HS6ST3: variants seen among roughly 807,000 people sequenced by gnomAD.
The protein encoded by HS6ST3 is heparan-sulfate 6-O-sulfotransferase 3.
A neutral mutation model predicts 36.7 loss-of-function variants in HS6ST3; 12 were observed. The ratio of observed to expected loss-of-function variants is 0.33; its 90% CI spans 0.21 to 0.53. The LOEUF is 0.53. Among genes scored for constraint, HS6ST3 ranks in the 20% least tolerant of loss-of-function variants. The pLI is 0.95. For missense variants in HS6ST3, 584 were observed against 640.9 expected (o/e 0.91, Z 0.96); for synonymous variants, 240 against 257.5 (o/e 0.93, Z 0.65).
In HS6ST3 at chr13:96,145,432, T is replaced by G. The variant is rs989519890; in HGVS notation, c.707+53863T>G. On this transcript the variant is annotated intron_variant, in intron 1 of 1. Coordinates refer to ENST00000376705, the MANE Select transcript of HS6ST3 (RefSeq NM_153456.4). ...ATGATGAGCATTTTTTCATGTGTCTTTTGGCTGCATAAATGTCTTCTTTTG... is the reference window on the plus strand; with the variant it reads ...ATGATGAGCATTTTTTCATGTGTCTGTTGGCTGCATAAATGTCTTCTTTTG... Among the ~76,000 whole-genome samples the G allele has an allele frequency of 7.2e-5, 11 of 152,228 alleles. No individual in the cohort carries two copies. In the East Asian group the frequency reaches 1.2e-3, roughly 16 times the overall value.
At chr13:96,648,550 A>G (rs1260271097) in intron 1 of HS6ST3, among the ~76,000 whole-genome samples, 3 of 151,212 alleles carry the variant, frequency 2.0e-5, no homozygotes, top group Admixed American at 6.6e-5. Context: ...TTTGTTACCT[A>G]GGTAAACGTG....
chr13:96,772,917 C>T (rs571674462), intron 1 of HS6ST3, among the ~76,000 whole-genome samples: 91 of 152,304 alleles, frequency 6.0e-4, no homozygotes, highest in African/African-American at 2.1e-3. Context: ...CAGCTCCCAG[C>T]GAGATCAACA....
chr13:96,494,457 G>T (rs1238835595), intron 1 of HS6ST3, among the ~76,000 whole-genome samples: 2 of 151,468 alleles, frequency 1.3e-5, no homozygotes, highest in Non-Finnish European at 2.9e-5. Flanking sequence ...ACGAGTTAAT[G>T]GGTGCAGCAC....
chr13:96,479,175 T>A (rs1022770010), intron 1 of HS6ST3, among the ~76,000 whole-genome samples: 3 of 152,132 alleles, frequency 2.0e-5, no homozygotes, highest in African/African-American at 4.8e-5. Context: ...CAATTCAGCC[T>A]TAAGAAGTCA....
At chr13:96,588,766 T>C (rs2056371591) in intron 1 of HS6ST3, among the ~76,000 whole-genome samples, 1 of 152,006 alleles carries the variant, frequency 6.6e-6, no homozygotes, top group Non-Finnish European at 1.5e-5. Flanking sequence ...GTGTTTCCTC[T>C]AGGCCAGGCA....
chr13:96,227,648 A>C (rs545377740), intron 1 of HS6ST3, among the ~76,000 whole-genome samples: 1 of 152,328 alleles, frequency 6.6e-6, no homozygotes, highest in South Asian at 2.1e-4. Context: ...TTAATTAGAC[A>C]AGAAGCCTCA....
chr13:96,114,533 G>C (rs2053884836), intron 1 of HS6ST3, among the ~76,000 whole-genome samples: 1 of 152,176 alleles, frequency 6.6e-6, no homozygotes, highest in Admixed American at 6.5e-5. Context: ...CTACTTACCA[G>C]CTGTGTGACT....
intron 1 of HS6ST3, among the ~76,000 whole-genome samples, chr13:96,149,563 G>A (rs1296536946): frequency 6.6e-6 from 1 of 152,092 alleles, no homozygotes; most frequent in African/African-American, 2.4e-5. Flanking sequence ...TCAGAGAAGA[G>A]TAAACCAAAA....
chr13:96,434,211 C>A (rs12863966), intron 1 of HS6ST3, among the ~76,000 whole-genome samples: 30 of 152,118 alleles, frequency 2.0e-4, no homozygotes, highest in Non-Finnish European at 4.1e-4. Context: ...TGGCAGCCCT[C>A]ACAGACTGAT....
intron 1 of HS6ST3, among the ~76,000 whole-genome samples, chr13:96,404,209 A>G (rs1188160886): frequency 2.0e-5 from 3 of 152,166 alleles, no homozygotes; most frequent in Non-Finnish European, 1.5e-5. Flanking sequence ...TTCATTTTAA[A>G]TCACATTTTA....
At chr13:96,753,226 A>G (rs532064243) in intron 1 of HS6ST3, among the ~76,000 whole-genome samples, 1 of 152,294 alleles carries the variant, frequency 6.6e-6, no homozygotes, top group Non-Finnish European at 1.5e-5. Flanking sequence ...TTGCCTTTTT[A>G]TATACATTTT....
intron 1 of HS6ST3, among the ~76,000 whole-genome samples, chr13:96,421,311 A>G (rs2055561073): frequency 6.6e-6 from 1 of 152,196 alleles, no homozygotes; most frequent in African/African-American, 2.4e-5. Flanking sequence ...CCAATTCATT[A>G]ATGACTTCCT....
intron 1 of HS6ST3, among the ~76,000 whole-genome samples, chr13:96,699,683 G>A (rs1278606110): frequency 2.0e-5 from 3 of 152,192 alleles, no homozygotes; most frequent in Non-Finnish European, 4.4e-5. Context: ...AAGTCAGTGT[G>A]GCGATTCCTC....
In HS6ST3 at chr13:96,297,333, C is replaced by A. The variant is rs554860625; in HGVS notation, c.707+205764C>A. Among the ~76,000 whole-genome samples, 6 of 152,206 alleles carry A rather than the reference C, an allele frequency of 3.9e-5. No individual in the cohort carries two copies. The South Asian group carries it at 1.2e-3, about 32-fold the overall frequency. On this transcript the variant is annotated intron_variant, in intron 1 of 1. Coordinates refer to ENST00000376705, the MANE Select transcript of HS6ST3 (RefSeq NM_153456.4). ...GCACATTGAGGTGGTTTTCTTTCCT[C>A]CTTTCTATTTCTACATTTTCACTTA...
At chr13:96,427,259 G>A (rs2139472055) in intron 1 of HS6ST3, 1 of 154,442 alleles carries the variant, frequency 6.5e-6, no homozygotes, top group South Asian at 2.0e-4. Context: ...ACTGAAATAT[G>A]TCTGAGCTTC....
At chr13:96,463,625 A>G (rs1363965082) in intron 1 of HS6ST3, among the ~76,000 whole-genome samples, 1 of 152,196 alleles carries the variant, frequency 6.6e-6, no homozygotes, top group Non-Finnish European at 1.5e-5. Context: ...TATTAAAACT[A>G]AGATATTGTT....
intron 1 of HS6ST3, among the ~76,000 whole-genome samples, chr13:96,590,729 C>A (rs2138975180): frequency 6.6e-6 from 1 of 152,172 alleles, no homozygotes; most frequent in African/African-American, 2.4e-5. Context: ...CTTTGGTTGC[C>A]TATACTTGTG....
chr13:96,586,701 A>G (rs1430366895), intron 1 of HS6ST3, among the ~76,000 whole-genome samples: 1 of 152,216 alleles, frequency 6.6e-6, no homozygotes, highest in African/African-American at 2.4e-5. Context: ...CATTTTGGAT[A>G]CTAATCCCTT....
intron 1 of HS6ST3, among the ~76,000 whole-genome samples, chr13:96,735,552 C>CA (rs1372845119): frequency 6.6e-6 from 1 of 152,122 alleles, no homozygotes; most frequent in Non-Finnish European, 1.5e-5. Context: ...AACAGAGTGC[C>CA]ATATCCTAAG....
Sources: allele counts gnomAD v4.1 joint callset (sites outside exome capture counted in the v4.1 genomes callset), GRCh38; gene constraint gnomAD v4.1.1; transcripts MANE v1.5; gene names NCBI Gene and HGNC (gene_info 2026-07-23, HGNC 2026-07-21).